The following CLRN1 variants were observed in gnomAD, a reference collection of about 807,000 sequenced individuals.
CLRN1 encodes clarin 1.
Under a neutral mutation model 18.7 loss-of-function variants are expected in CLRN1, and 15 were observed. The observed-to-expected ratio is 0.80, with a 90% CI of 0.54 to 1.23. CLRN1 has a LOEUF of 1.23. Among genes scored for constraint, CLRN1 ranks in the 50% most tolerant of loss-of-function variants. The pLI is 0.00. For missense variants in CLRN1, 311 were observed against 277.5 expected, an observed-to-expected ratio of 1.12 and a Z score of -0.86; for synonymous variants, 104 against 102.9, an observed-to-expected ratio of 1.01 and a Z score of -0.07.
intron 1 of CLRN1, among the ~76,000 whole-genome samples, chr3:150,945,376 G>C (rs1412166765): frequency 6.6e-6 from 1 of 152,200 alleles, no homozygotes; most frequent in Admixed American, 6.5e-5. Flanking sequence ...TCAAGGAGGA[G>C]TAAGTAGTCA....
intron 1 of CLRN1, among the ~76,000 whole-genome samples, chr3:150,952,514 C>A (rs192356347): frequency 1.6e-3 from 248 of 152,258 alleles, no homozygotes; most frequent in Middle Eastern, 0.014. Context: ...CAACTTATGA[C>A]GGGTTTATCG....
chr3:150,939,650 C>G (rs540966384), intron 2 of CLRN1, among the ~76,000 whole-genome samples: 2 of 152,132 alleles, frequency 1.3e-5, no homozygotes, highest in Non-Finnish European at 2.9e-5. Flanking sequence ...TATCAGGTTT[C>G]CAGATGATGC....
intron 1 of CLRN1, among the ~76,000 whole-genome samples, chr3:150,970,517 G>GAAA (rs11464588): frequency 4.4e-4 from 63 of 144,138 alleles, no homozygotes; most frequent in African/African-American, 1.4e-3. Flanking sequence ...TTATGCTTAG[G>GAAA]AAAAAAAAAA....
Position 150,958,322 on chromosome 3 carries a change from A to T in CLRN1, c.253+14134T>A, listed in dbSNP as rs562146846. Reference sequence around the variant, plus strand: ...TTCCCTTCCTTTCTATTTCTCTGCCAGTGCTTTGGTTTGGATCCCCAAATA... The same window carrying T: ...TTCCCTTCCTTTCTATTTCTCTGCCTGTGCTTTGGTTTGGATCCCCAAATA... On this transcript the variant is annotated intron_variant, in intron 1 of 2. Transcript: ENST00000327047. Among the ~76,000 whole-genome samples, 9 of 152,208 alleles carry T rather than the reference A, an allele frequency of 5.9e-5. No homozygotes were observed. The East Asian group carries it at 1.7e-3, about 29-fold the overall frequency.
intron 2 of CLRN1, among the ~76,000 whole-genome samples, chr3:150,939,766 C>A (rs947013608): frequency 3.3e-5 from 5 of 152,174 alleles, no homozygotes; most frequent in Admixed American, 3.3e-4. Context: ...CACCCGGATC[C>A]ACCTGTTTGG....
At position 150,941,772 on chromosome 3, in the gene CLRN1, G is replaced by C; in HGVS notation, c.254-11C>G. ...GCAAATCTGGAAAAACTGAAGATAAGACAAAACTAGGGTTAGAAGAAGTTT... is the reference window on the plus strand; with the variant it reads ...GCAAATCTGGAAAAACTGAAGATAACACAAAACTAGGGTTAGAAGAAGTTT... On this transcript the variant is annotated splice_polypyrimidine_tract_variant and intron_variant, in intron 1 of 2. Coordinates refer to ENST00000327047, the MANE Select transcript of CLRN1 (RefSeq NM_174878.3). 1.9e-6 allele frequency: 3 copies of C among 1,613,090 alleles called. No homozygotes were observed. Among genetic ancestry groups the C allele is most frequent in the Non-Finnish European group, 2.5e-6 (3 of 1,179,210 alleles).
At chr3:150,960,864 C>T (rs572527491) in intron 1 of CLRN1, among the ~76,000 whole-genome samples, 32 of 152,370 alleles carry the variant, frequency 2.1e-4, no homozygotes, top group African/African-American at 7.7e-4. Context: ...CACGCAGTCA[C>T]AGACAGGGCC....
In CLRN1 at chr3:150,927,077, A is replaced by G; in HGVS notation, c.*859T>C. ...TAAGTCATTTTGCATCAAATGTACT[A>G]AGCAGAGATCATTTTTCATGATTCC... On this transcript the variant is annotated 3_prime_UTR_variant, in exon 3 of 3. Transcript: ENST00000327047. 1 of 853,944 alleles carries G rather than the reference A, an allele frequency of 1.2e-6. No homozygotes were observed. Among genetic ancestry groups the G allele is most frequent in the South Asian group, 1.4e-5 (1 of 69,734 alleles). 52.9% of individuals were successfully genotyped at this position (853,944 alleles called of 1,614,324 possible).
intron 1 of CLRN1, among the ~76,000 whole-genome samples, chr3:150,952,606 A>G (rs968872063): frequency 3.9e-5 from 6 of 152,144 alleles, no homozygotes; most frequent in African/African-American, 1.4e-4. Context: ...TCAGTCAGCT[A>G]TTGACTTGGT....
intron 1 of CLRN1, among the ~76,000 whole-genome samples, chr3:150,954,920 T>C (rs1714664411): frequency 6.6e-6 from 1 of 152,222 alleles, no homozygotes; most frequent in African/African-American, 2.4e-5. Context: ...CTAAGAGAAT[T>C]GAAAACATGT....
rs189304096 is a variant in CLRN1, at chr3:150,969,797, C to A, written c.253+2659G>T. Reference sequence around the variant, plus strand: ...ACCAGCCTGGCCCACATGGTGAAACCCTGTCTTTACTAAAAATACAAAAAA... The same window carrying A: ...ACCAGCCTGGCCCACATGGTGAAACACTGTCTTTACTAAAAATACAAAAAA... On this transcript the variant is annotated intron_variant, in intron 1 of 2. Coordinates refer to ENST00000327047, the MANE Select transcript of CLRN1 (RefSeq NM_174878.3). 1.3e-4 allele frequency among the ~76,000 whole-genome samples: 20 copies of A among 152,004 alleles called. No individual in the cohort carries two copies. In the East Asian group the frequency reaches 3.7e-3, roughly 28 times the overall value.
intron 1 of CLRN1, among the ~76,000 whole-genome samples, chr3:150,954,640 TA>T (rs1054371370): frequency 6.6e-5 from 10 of 152,240 alleles, no homozygotes; most frequent in African/African-American, 2.4e-4. Context: ...CAAGATTTTT[TA>T]TGTATCATGT....
intron 1 of CLRN1, among the ~76,000 whole-genome samples, chr3:150,971,296 A>G (rs903742797): frequency 6.6e-6 from 1 of 152,220 alleles, no homozygotes; most frequent in African/African-American, 2.4e-5. Context: ...CCACTTCATC[A>G]ATTAAAAAGC....
rs1309853466 is a variant in CLRN1 at position 150,926,642 on chromosome 3, G to A, written c.*1294C>T. The A allele has an allele frequency of 1.2e-6, 1 of 801,208 alleles. No homozygotes were observed. The highest frequency in any genetic ancestry group is 2.7e-5 in the East Asian group (1 of 37,484). 49.6% of individuals were successfully genotyped at this position (801,208 alleles called of 1,614,324 possible). A position where few individuals can be genotyped will look rare whatever the true frequency, so the allele number is the denominator to read the frequency against. Reference sequence around the variant, plus strand: ...GACACCAGAGCAAGTTATTTCTCAGGTATACGGTTGTTTCATCCTTGTAAA... The same window carrying A: ...GACACCAGAGCAAGTTATTTCTCAGATATACGGTTGTTTCATCCTTGTAAA... On this transcript the variant is annotated 3_prime_UTR_variant, in exon 3 of 3. Transcript: ENST00000327047.
intron 1 of CLRN1, among the ~76,000 whole-genome samples, chr3:150,944,903 T>C (rs1428409167): frequency 6.6e-6 from 1 of 152,216 alleles, no homozygotes; most frequent in African/African-American, 2.4e-5. Context: ...CTGTCTTAGA[T>C]ATTTTACGTT....
chr3:150,939,576 T>C (rs1456131), intron 2 of CLRN1, among the ~76,000 whole-genome samples: 128,469 of 152,126 alleles, frequency 0.84, 55,705 homozygotes, highest in East Asian at 1. Context: ...GATGGCCATC[T>C]TCCCCCAGAC....
At chr3:150,941,483 AT>A (rs1326531463) in intron 2 of CLRN1, 98 bp downstream of exon 2, 1 of 1,196,950 alleles carries the variant, frequency 8.4e-7, no homozygotes, top group East Asian at 2.5e-5. Context: ...GTGTGCATCC[AT>A]GTATATATGT....
rs752878216 is a variant in CLRN1 at position 150,941,572 on chromosome 3, T to C, written c.433+10A>G. The C allele has an allele frequency of 3.1e-6, 5 of 1,613,718 alleles. No homozygotes were observed. In the Admixed American group the frequency reaches 8.3e-5, roughly 27 times the overall value. On this transcript the variant is annotated intron_variant, in intron 2 of 2. Coordinates refer to ENST00000327047, the MANE Select transcript of CLRN1 (RefSeq NM_174878.3). ...CACATTTGTCTTCAGAGGTAGAATT[T>C]TGTACTTACCTGAAATGAAGCTCAA... is the stretch of plus-strand genomic sequence containing the variant.
At chr3:150,959,675 A>G (rs1714932540) in intron 1 of CLRN1, among the ~76,000 whole-genome samples, 1 of 151,772 alleles carries the variant, frequency 6.6e-6, no homozygotes, top group East Asian at 1.9e-4. Flanking sequence ...AGAATAAGGT[A>G]AAAAGTGTTT....
Sources: gnomAD v4.1 joint callset for allele counts (sites outside exome capture counted in the v4.1 genomes callset) on GRCh38, gnomAD v4.1.1 for gene constraint, MANE v1.5 for transcripts, NCBI Gene and HGNC (gene_info 2026-07-23, HGNC 2026-07-21) for gene names.